Variants in DGKG observed in about 807,000 individuals in gnomAD.
DGKG encodes the protein DAG kinase gamma.
Under a neutral mutation model 105.3 loss-of-function variants are expected in DGKG, and 78 were observed. The ratio of observed to expected loss-of-function variants is 0.74; its 90% CI spans 0.62 to 0.89. DGKG has a LOEUF of 0.89. Ranked by LOEUF, DGKG falls within the 40% of genes least tolerant of loss-of-function variation. The pLI, the probability that DGKG is intolerant of heterozygous loss-of-function variation, is 0.00. For synonymous variants in DGKG, 346 were observed against 367.1 expected, an observed-to-expected ratio of 0.94 and a Z score of 0.66; for missense variants, 958 against 1,020.1, an observed-to-expected ratio of 0.94 and a Z score of 0.83.
At chr3:186,236,357 T>C (rs1346141092) in intron 20 of DGKG, among the ~76,000 whole-genome samples, 1 of 152,238 alleles carries the variant, frequency 6.6e-6, no homozygotes, top group Non-Finnish European at 1.5e-5. Context: ...TTTAAGGCAA[T>C]GCTTGTTATT....
At chr3:186,179,144 C>T (rs1717237360) in intron 22 of DGKG, among the ~76,000 whole-genome samples, 1 of 152,182 alleles carries the variant, frequency 6.6e-6, no homozygotes, top group Admixed American at 6.5e-5. Context: ...TCATGGACCA[C>T]ACGGCGTTCT....
chr3:186,207,140 G>T (rs1718785998), intron 21 of DGKG, among the ~76,000 whole-genome samples: 1 of 152,150 alleles, frequency 6.6e-6, no homozygotes. Flanking sequence ...TTCCTTTGTG[G>T]TCTCATAGAA....
intron 1 of DGKG, among the ~76,000 whole-genome samples, chr3:186,356,581 TGAG>T (rs1455140517): frequency 6.6e-6 from 1 of 152,152 alleles, no homozygotes; most frequent in East Asian, 1.9e-4. Flanking sequence ...GGAAATAGAA[TGAG>T]GAGGTGGTAA....
chr3:186,322,455 T>A (rs146928019), intron 1 of DGKG, among the ~76,000 whole-genome samples: 84 of 152,240 alleles, frequency 5.5e-4, no homozygotes, highest in African/African-American at 1.7e-3. Flanking sequence ...GGGAGAGAAC[T>A]GAAAAACTAC....
chr3:186,227,337 C>G (rs1471168323), intron 20 of DGKG, among the ~76,000 whole-genome samples: 1 of 152,172 alleles, frequency 6.6e-6, no homozygotes, highest in Non-Finnish European at 1.5e-5. Context: ...CCTTGTCAGG[C>G]AGTTGTAATT....
chr3:186,223,593 C>T (rs1051216123), intron 20 of DGKG, among the ~76,000 whole-genome samples: 5 of 152,110 alleles, frequency 3.3e-5, no homozygotes, highest in African/African-American at 1.2e-4. Context: ...TTCCCTATTC[C>T]ATCTTCTTCC....
At chr3:186,307,112 T>A (rs1326667874) in intron 2 of DGKG, 135 bp from the exon 3 acceptor site, 1 of 648,322 alleles carries the variant, frequency 1.5e-6, no homozygotes, top group Non-Finnish European at 2.8e-6. Context: ...AATGTCACCC[T>A]CTTCTACCCT....
chr3:186,298,951 A>C (rs1179892202), intron 3 of DGKG, among the ~76,000 whole-genome samples: 1 of 152,192 alleles, frequency 6.6e-6, no homozygotes, highest in East Asian at 1.9e-4. Flanking sequence ...CAGGAAGCCA[A>C]GGACAGAAGG....
intron 19 of DGKG, among the ~76,000 whole-genome samples, chr3:186,245,931 AC>A (rs201041816): frequency 0.013 from 2,015 of 151,018 alleles, 47 homozygotes; most frequent in African/African-American, 0.047. Context: ...AACAACAACA[AC>A]AAAAAAAAAC....
intron 21 of DGKG, among the ~76,000 whole-genome samples, chr3:186,189,035 G>C (rs1020511817): frequency 4.0e-5 from 6 of 151,846 alleles, no homozygotes; most frequent in Admixed American, 2.6e-4. Flanking sequence ...GGATGGTCTC[G>C]ATCTCCTGAC....
intron 1 of DGKG, among the ~76,000 whole-genome samples, chr3:186,348,443 C>T (rs1578866061): frequency 8.4e-6 from 1 of 119,054 alleles, no homozygotes; most frequent in African/African-American, 3.4e-5. Context: ...AGAATTCTGG[C>T]TCATAATCTT....
chr3:186,247,757 C>T (rs1878297), intron 19 of DGKG, among the ~76,000 whole-genome samples: 123,489 of 152,106 alleles, frequency 0.81, 52,893 homozygotes, highest in East Asian at 1. Context: ...TCTTCTGCAA[C>T]ATAATATTAA....
chr3:186,186,996 G>A, intron 22 of DGKG, among the ~76,000 whole-genome samples: 1 of 152,242 alleles, frequency 6.6e-6, no homozygotes, highest in Non-Finnish European at 1.5e-5. Flanking sequence ...GCAGCCTGCT[G>A]TGTTGGAGGA....
chr3:186,356,375 A>G (rs891644841), intron 1 of DGKG, among the ~76,000 whole-genome samples: 1 of 152,212 alleles, frequency 6.6e-6, no homozygotes, highest in African/African-American at 2.4e-5. Context: ...TGAACAAGAT[A>G]AAATGAGAAA....
At chr3:186,341,703 A>G (rs983916896) in intron 1 of DGKG, among the ~76,000 whole-genome samples, 10 of 152,318 alleles carry the variant, frequency 6.6e-5, no homozygotes, top group Middle Eastern at 3.4e-3. Context: ...TTTGATATAA[A>G]GACACATGCA....
chr3:186,267,066 G>T (rs541520646), intron 13 of DGKG, among the ~76,000 whole-genome samples: 15 of 152,298 alleles, frequency 9.8e-5, no homozygotes, highest in African/African-American at 2.9e-4. Flanking sequence ...CCAGGTGGGG[G>T]TAAAGGAGCT....
Position 186,268,872 on chromosome 3 carries a change from C to T in DGKG, c.1045G>A (p.Asp349Asn), listed in dbSNP as rs1722183787. 6.2e-7 allele frequency: 1 copy of T among 1,614,066 alleles called. No individual in the cohort carries two copies. Among genetic ancestry groups the T allele is most frequent in the Admixed American group, 1.7e-5 (1 of 60,028 alleles). ...CACTTGATACTTTTGTGGCACCGGT[C>T]ACACTTGACGGAGGAGTTCCCTTCC... Reference protein sequence around the residue: ...WVEGNSSVKCDRCHKSIKCYQ... With the variant: ...WVEGNSSVKCNRCHKSIKCYQ... The change falls in exon 12 of 25, where the codon GAC (aspartate) becomes AAC (asparagine). Residue 349 changes from aspartate (D) to asparagine (N), a missense_variant. By Grantham distance (23) the Asp-to-Asn change is conservative (BLOSUM62 1). This residue lies in a region of DGKG where 643 missense variants were observed against 619.5 expected (regional missense o/e 1.04). Transcript: ENST00000265022.
intron 20 of DGKG, among the ~76,000 whole-genome samples, chr3:186,235,287 T>A (rs955674107): frequency 6.6e-6 from 1 of 152,220 alleles, no homozygotes; most frequent in African/African-American, 2.4e-5. Flanking sequence ...TTAATTTCAT[T>A]TGGGGCTTTT....
At chr3:186,270,915 C>A (rs1722284335) in intron 11 of DGKG, among the ~76,000 whole-genome samples, 1 of 152,214 alleles carries the variant, frequency 6.6e-6, no homozygotes, top group Non-Finnish European at 1.5e-5. Context: ...GACAGGTGGC[C>A]AGAGTGCAGG....
Sources: gnomAD v4.1 joint callset for allele counts (sites outside exome capture counted in the v4.1 genomes callset) on GRCh38, gnomAD v4.1.1 for gene constraint, gnomAD v4.1.1 regional missense constraint, MANE v1.5 for transcripts, NCBI Gene and HGNC (gene_info 2026-07-23, HGNC 2026-07-21) for gene names.